Variants in SCYL2 observed in about 807,000 individuals in gnomAD.
SCYL2 encodes the protein SCY1 like pseudokinase 2.
SCYL2 carries 36 observed loss-of-function variants against 100.4 expected under a neutral mutation model. The observed-to-expected ratio is 0.36, with a 90% CI of 0.27 to 0.47. The LOEUF (loss-of-function observed/expected upper bound fraction) is 0.47, where lower values mean the gene tolerates loss of function less well. Ranked by LOEUF, SCYL2 falls within the 20% of genes least tolerant of loss-of-function variation. The probability of loss-of-function intolerance (pLI) is 1.00; values close to 1 mark genes in which losing one functional copy is unlikely to be tolerated. For synonymous variants in SCYL2, 330 were observed against 359.2 expected (o/e 0.92, Z 0.92); for missense variants, 902 against 1,083.9 (o/e 0.83, Z 2.36).
intron 1 of SCYL2, among the ~76,000 whole-genome samples, chr12:100,281,271 CA>C (rs1322328275): frequency 6.6e-6 from 1 of 152,136 alleles, no homozygotes; most frequent in African/African-American, 2.4e-5. Flanking sequence ...TCAAGTGATC[CA>C]CCTCCATCAG....
intron 3 of SCYL2, among the ~76,000 whole-genome samples, chr12:100,295,573 C>T (rs1056790776): frequency 4.7e-4 from 71 of 151,798 alleles, no homozygotes; most frequent in African/African-American, 1.7e-3. Flanking sequence ...GCAGCGCGTG[C>T]CTGCAATCGC....
intron 4 of SCYL2, among the ~76,000 whole-genome samples, chr12:100,300,214 T>C (rs1412708550): frequency 6.6e-6 from 1 of 152,248 alleles, no homozygotes; most frequent in African/African-American, 2.4e-5. Context: ...GGTTGTTTTC[T>C]TATTGACTTA....
rs2096278594 is a variant in SCYL2 at position 100,267,262 on chromosome 12, G to C, written c.-559G>C. On this transcript the variant is annotated 5_prime_UTR_variant, in exon 1 of 18. Transcript: ENST00000360820. The stretch of plus-strand genomic sequence containing the variant: ...TCTAGCTCCGACGTTTGCGGCCGCG[G>C]GGGCGGCGGAGGATATGGAGTAAAG... 2 of 626,090 alleles carry C rather than the reference G, an allele frequency of 3.2e-6. No homozygotes were observed. Among genetic ancestry groups the C allele is most frequent in the Non-Finnish European group, 5.4e-6 (2 of 368,896 alleles). 38.8% of individuals were successfully genotyped at this position (626,090 alleles called of 1,614,324 possible).
chr12:100,289,526 C>T (rs909296629), intron 2 of SCYL2, among the ~76,000 whole-genome samples: 1 of 152,174 alleles, frequency 6.6e-6, no homozygotes, highest in African/African-American at 2.4e-5. Context: ...TACGCAAATG[C>T]TATCTTGTTA....
chr12:100,339,850 T>C lies in SCYL2; in HGVS notation c.*678T>C, dbSNP rs986000296. ...ATATTTTAGCATGGTCTGCCTCAAATAGTAATGTATTTTTCTGCATTCACT... is the reference window on the plus strand; with the variant it reads ...ATATTTTAGCATGGTCTGCCTCAAACAGTAATGTATTTTTCTGCATTCACT... On this transcript the variant is annotated 3_prime_UTR_variant, in exon 18 of 18. Coordinates refer to ENST00000360820, the MANE Select transcript of SCYL2 (RefSeq NM_017988.6). The C allele has an allele frequency of 1.3e-5, 2 of 152,530 alleles. No homozygotes were observed. The highest frequency in any genetic ancestry group is 4.8e-5 in the African/African-American group (2 of 41,446). 9.4% of individuals were successfully genotyped at this position (152,530 alleles called of 1,614,324 possible). A position where few individuals can be genotyped will look rare whatever the true frequency, so the allele number is the denominator to read the frequency against.
chr12:100,323,770 T>C (rs1450999803), intron 11 of SCYL2, 132 bp downstream of exon 11: 12 of 506,104 alleles, frequency 2.4e-5, no homozygotes, highest in African/African-American at 1.8e-4. Context: ...TTGTATATAG[T>C]ACTATAAAAA....
At position 100,322,390 on chromosome 12, in the gene SCYL2, A is replaced by G. The variant is rs554272710; in HGVS notation, c.1396-1135A>G. On this transcript the variant is annotated intron_variant, in intron 10 of 17. Coordinates refer to ENST00000360820, the MANE Select transcript of SCYL2 (RefSeq NM_017988.6). ...TCCGTCTCAAAAAAAAAAAAAAAAA[A>G]AAAGAAAACTAAAAAAAAAAGAATT... Among the ~76,000 whole-genome samples, 7 of 151,330 alleles carry G rather than the reference A, an allele frequency of 4.6e-5. No individual in the cohort carries two copies. In the South Asian group the frequency reaches 8.3e-4, roughly 18 times the overall value.
At chr12:100,312,998 G>T (rs1420275118) in intron 6 of SCYL2, among the ~76,000 whole-genome samples, 1 of 152,074 alleles carries the variant, frequency 6.6e-6, no homozygotes, top group African/African-American at 2.4e-5. Flanking sequence ...GGTGGCACAT[G>T]CCTGTAGTCC....
chr12:100,306,036 C>T (rs116485968), intron 4 of SCYL2, among the ~76,000 whole-genome samples: 6,617 of 152,098 alleles, frequency 0.044, 162 homozygotes, highest in South Asian at 0.084. Context: ...CCGAAAAAAG[C>T]CCAAGACCAG....
intron 3 of SCYL2, among the ~76,000 whole-genome samples, chr12:100,297,507 AATAG>A (rs1592943424): frequency 3.9e-5 from 6 of 152,200 alleles, no homozygotes; most frequent in Admixed American, 3.3e-4. Context: ...TGACATATAA[AATAG>A]ATCAAAGCTG....
intron 9 of SCYL2, 103 bp downstream of exon 9, chr12:100,315,837 A>G: frequency 4.2e-6 from 4 of 945,930 alleles, no homozygotes; most frequent in Non-Finnish European, 5.8e-6. Context: ...AAACTGAGGT[A>G]AGTGTATGAG....
intron 1 of SCYL2, among the ~76,000 whole-genome samples, chr12:100,272,831 A>G (rs2096288997): frequency 6.6e-6 from 1 of 152,168 alleles, no homozygotes; most frequent in African/African-American, 2.4e-5. Flanking sequence ...CCCTTTAAAA[A>G]TTTGTTTAAA....
intron 8 of SCYL2, among the ~76,000 whole-genome samples, chr12:100,314,865 A>C (rs930782885): frequency 6.6e-6 from 1 of 152,202 alleles, no homozygotes; most frequent in African/African-American, 2.4e-5. Flanking sequence ...AGGTCAGAAG[A>C]AGAGTCCATA....
At chr12:100,332,906 T>C (rs1182629149) in intron 13 of SCYL2, among the ~76,000 whole-genome samples, 4 of 151,590 alleles carry the variant, frequency 2.6e-5, no homozygotes, top group African/African-American at 9.7e-5. Context: ...TGTAGAGATG[T>C]GGTCTCTCCA....
At chr12:100,273,781 A>G (rs934515381) in intron 1 of SCYL2, among the ~76,000 whole-genome samples, 1 of 152,130 alleles carries the variant, frequency 6.6e-6, no homozygotes, top group Non-Finnish European at 1.5e-5. Context: ...TTTCCATAGC[A>G]TGTACATTCT....
chr12:100,331,370 G>A (rs989023710), intron 13 of SCYL2, among the ~76,000 whole-genome samples: 2 of 152,284 alleles, frequency 1.3e-5, no homozygotes. Flanking sequence ...CACTTTGGGA[G>A]GGAAGGGTAG....
At chr12:100,271,139 A>C (rs1438363536) in intron 1 of SCYL2, among the ~76,000 whole-genome samples, 1 of 151,630 alleles carries the variant, frequency 6.6e-6, no homozygotes, top group Non-Finnish European at 1.5e-5. Flanking sequence ...GTTTTTGAAA[A>C]CTTTCTTTTA....
intron 9 of SCYL2, among the ~76,000 whole-genome samples, chr12:100,317,182 G>A (rs2096349896): frequency 6.6e-6 from 1 of 152,136 alleles, no homozygotes; most frequent in African/African-American, 2.4e-5. Flanking sequence ...AATAGAAGGG[G>A]CAGTATGTTC....
At chr12:100,331,649 T>C (rs1001576007) in intron 13 of SCYL2, among the ~76,000 whole-genome samples, 2 of 152,052 alleles carry the variant, frequency 1.3e-5, no homozygotes, top group African/African-American at 4.8e-5. Flanking sequence ...TTCAGCTTAG[T>C]GGGTTTTTTT....
Sources: allele counts gnomAD v4.1 joint callset (sites outside exome capture counted in the v4.1 genomes callset), GRCh38; gene constraint gnomAD v4.1.1; transcripts MANE v1.5; gene names NCBI Gene and HGNC (gene_info 2026-07-23, HGNC 2026-07-21).